The following CYRIB variants were observed in gnomAD, a reference collection of about 807,000 sequenced individuals.
CYRIB encodes CYFIP related Rac1 interactor B, also known as CYFIP-related Rac1 interactor B.
A neutral mutation model predicts 44.2 loss-of-function variants in CYRIB; 8 were observed. The ratio of observed to expected loss-of-function variants is 0.18; its 90% confidence interval spans 0.11 to 0.33. The LOEUF (loss-of-function observed/expected upper bound fraction) is 0.33, where lower values mean the gene tolerates loss of function less well. Ranked by LOEUF, CYRIB falls within the 10% of genes least tolerant of loss-of-function variation. CYRIB has a pLI of 1.00. For synonymous variants in CYRIB, 131 were observed against 127.2 expected, an observed-to-expected ratio of 1.03 and a Z score of -0.20; for missense variants, 185 against 382.8, an observed-to-expected ratio of 0.48 and a Z score of 4.31.
intron 1 of CYRIB, among the ~76,000 whole-genome samples, chr8:130,006,619 T>TACAC (rs1215008113): frequency 1.2e-4 from 1 of 8,164 alleles, no homozygotes; most frequent in Non-Finnish European, 8.8e-4. Flanking sequence ...TATATATGTG[T>TACAC]ATATATATAC....
rs188798363 is a variant in CYRIB at position 129,882,747 on chromosome 8, T to C, written c.-10-3276A>G. ...TTCTGTAAACTTCTTCCTCTGTATA[T>C]GGTTCTTCTTTCCAGGCACCCGAGG... On this transcript the variant is annotated intron_variant, in intron 2 of 11. Coordinates refer to ENST00000519824, the Ensembl canonical transcript of CYRIB. Among the ~76,000 whole-genome samples, 130 of 152,266 alleles carry C rather than the reference T, an allele frequency of 8.5e-4. 1 individual carries two copies. The highest frequency in any genetic ancestry group is 1.7e-3 in the Non-Finnish European group (116 of 68,028).
At chr8:129,899,330 G>A (rs1200256861) in intron 2 of CYRIB, among the ~76,000 whole-genome samples, 2 of 152,082 alleles carry the variant, frequency 1.3e-5, no homozygotes, top group African/African-American at 4.8e-5. Flanking sequence ...GCAAAAGCTG[G>A]TTTGTTTTAT....
intron 1 of CYRIB, among the ~76,000 whole-genome samples, chr8:129,985,561 C>G (rs2096426147): frequency 6.6e-6 from 1 of 152,046 alleles, no homozygotes; most frequent in Non-Finnish European, 1.5e-5. Flanking sequence ...GAGAAGTAAC[C>G]TTTTTCTATT....
At chr8:129,913,447 C>T (rs185339022) in intron 1 of CYRIB, among the ~76,000 whole-genome samples, 21 of 152,292 alleles carry the variant, frequency 1.4e-4, no homozygotes, top group Admixed American at 6.5e-4. Context: ...CATTCATTAG[C>T]TAATCCTTTT....
At chr8:129,872,014 T>C (rs1408527367) in intron 3 of CYRIB, among the ~76,000 whole-genome samples, 1 of 152,112 alleles carries the variant, frequency 6.6e-6, no homozygotes, top group East Asian at 1.9e-4. Context: ...AGTTTTTAGG[T>C]GCTCACCCCC....
intron 1 of CYRIB, among the ~76,000 whole-genome samples, chr8:129,972,165 C>T (rs923475797): frequency 2.0e-5 from 3 of 152,196 alleles, no homozygotes; most frequent in Non-Finnish European, 2.9e-5. Context: ...TAATTTCAGC[C>T]ACTTCGGCTG....
At chr8:129,921,243 T>G (rs2083393196) in intron 1 of CYRIB, among the ~76,000 whole-genome samples, 1 of 152,216 alleles carries the variant, frequency 6.6e-6, no homozygotes, top group South Asian at 2.1e-4. Flanking sequence ...TTTCAGAATT[T>G]GAGATTCATA....
intron 1 of CYRIB, among the ~76,000 whole-genome samples, chr8:129,924,776 G>C (rs2086443244): frequency 6.6e-6 from 1 of 151,930 alleles, no homozygotes; most frequent in Admixed American, 6.6e-5. Flanking sequence ...GACCAGCCTG[G>C]GCAACATAGG....
intron 1 of CYRIB, among the ~76,000 whole-genome samples, chr8:130,000,559 G>T (rs2096885912): frequency 6.6e-6 from 1 of 152,056 alleles, no homozygotes; most frequent in Non-Finnish European, 1.5e-5. Flanking sequence ...CAGCCGTGGT[G>T]TCTCAAGCCT....
chr8:129,849,606 G>T, intron 9 of CYRIB: 1 of 357,698 alleles, frequency 2.8e-6, no homozygotes, highest in Non-Finnish European at 5.1e-6. Context: ...TCAACTTTCA[G>T]CTGATGCTGA....
chr8:129,899,536 T>C (rs1006308975), intron 2 of CYRIB, among the ~76,000 whole-genome samples: 1 of 152,204 alleles, frequency 6.6e-6, no homozygotes, highest in African/African-American at 2.4e-5. Context: ...AAAGGAAATG[T>C]TTATATAAAG....
At chr8:129,959,121 A>G (rs943419541) in intron 2 of CYRIB, among the ~76,000 whole-genome samples, 1 of 152,016 alleles carries the variant, frequency 6.6e-6, no homozygotes, top group Non-Finnish European at 1.5e-5. Flanking sequence ...AAAGCTTGAA[A>G]TGAAAAGCAG....
intron 1 of CYRIB, among the ~76,000 whole-genome samples, chr8:129,988,049 A>G (rs1239160147): frequency 1.3e-5 from 2 of 152,182 alleles, no homozygotes; most frequent in East Asian, 1.9e-4. Context: ...GGCGGTGTGG[A>G]GCAACATGCT....
At chr8:129,859,590 C>T (rs957081729) in intron 5 of CYRIB, among the ~76,000 whole-genome samples, 18 of 152,296 alleles carry the variant, frequency 1.2e-4, no homozygotes, top group African/African-American at 1.9e-4. Context: ...CTGGTGTCAC[C>T]GCTAGACTAA....
At chr8:129,887,203 C>G (rs1278350971) in intron 2 of CYRIB, among the ~76,000 whole-genome samples, 1 of 152,152 alleles carries the variant, frequency 6.6e-6, no homozygotes, top group African/African-American at 2.4e-5. Context: ...ACACTGCTCC[C>G]TGCATCCCAG....
upstream of CYRIB, among the ~76,000 whole-genome samples, chr8:129,942,646 A>T (rs1412229382): frequency 6.6e-6 from 1 of 152,222 alleles, no homozygotes; most frequent in East Asian, 1.9e-4. Context: ...GAACAAAAGG[A>T]TGCAAAAAAA....
upstream of CYRIB, among the ~76,000 whole-genome samples, chr8:129,940,207 G>A (rs951941454): frequency 6.6e-6 from 1 of 152,108 alleles, no homozygotes; most frequent in Admixed American, 6.6e-5. Context: ...GCAGGAACTG[G>A]ACCTCGGGAC....
At chr8:129,891,121 T>C (rs754873529) in intron 2 of CYRIB, among the ~76,000 whole-genome samples, 2 of 152,174 alleles carry the variant, frequency 1.3e-5, no homozygotes, top group Non-Finnish European at 2.9e-5. Flanking sequence ...TTCAAAGGTC[T>C]GAGACTCCAG....
At chr8:129,949,916 A>G (rs913219441) in intron 2 of CYRIB, among the ~76,000 whole-genome samples, 10 of 152,160 alleles carry the variant, frequency 6.6e-5, no homozygotes, top group Non-Finnish European at 1.3e-4. Flanking sequence ...AACAGCCACA[A>G]TTATCACCTA....
Sources: gnomAD v4.1 joint callset for allele counts (sites outside exome capture counted in the v4.1 genomes callset) on GRCh38, gnomAD v4.1.1 for gene constraint, MANE v1.5 for transcripts, NCBI Gene and HGNC (gene_info 2026-07-23, HGNC 2026-07-21) for gene names.